Variants in COL26A1 observed in about 807,000 individuals in gnomAD.
COL26A1 encodes collagen type XXVI alpha 1 chain.
Under a neutral mutation model 59.3 loss-of-function variants are expected in COL26A1, and 41 were observed. That is an observed-to-expected ratio of 0.69 (90% CI 0.54 to 0.90). The LOEUF (loss-of-function observed/expected upper bound fraction) is 0.90. COL26A1 is among the 40% of genes least tolerant of loss of function. The pLI, the probability that COL26A1 is intolerant of heterozygous loss-of-function variation, is 0.00. For synonymous variants in COL26A1, 266 were observed against 256.0 expected (o/e 1.04, Z -0.37); for missense variants, 612 against 602.3 (o/e 1.02, Z -0.17).
chr7:101,362,899 A>C lies in COL26A1; in HGVS notation c.-134A>C. 1.1e-6 allele frequency: 1 copy of C among 881,382 alleles called. No homozygotes were observed. Among genetic ancestry groups the C allele is most frequent in the Non-Finnish European group, 1.6e-6 (1 of 616,046 alleles). 54.6% of individuals were successfully genotyped at this position (881,382 alleles called of 1,614,324 possible). On this transcript the variant is annotated 5_prime_UTR_variant, in exon 1 of 13. Coordinates refer to ENST00000313669, the MANE Select transcript of COL26A1 (RefSeq NM_001278563.3). ...CGCCCCCCACACATTTCCAGCTCGC[A>C]CCCGGGCTCCGACCGCTCGCCCCGC...
intron 1 of COL26A1, among the ~76,000 whole-genome samples, chr7:101,405,356 G>A (rs1402534922): frequency 1.3e-5 from 2 of 149,744 alleles, no homozygotes; most frequent in Admixed American, 6.7e-5. Flanking sequence ...TTTTTTTAGA[G>A]ACAAAGTCAC....
chr7:101,399,755 C>T (rs773193388), intron 1 of COL26A1, among the ~76,000 whole-genome samples: 4 of 152,314 alleles, frequency 2.6e-5, no homozygotes, highest in Non-Finnish European at 2.9e-5. Flanking sequence ...CATTGTGCCC[C>T]GCCTTCATTC....
intron 1 of COL26A1, among the ~76,000 whole-genome samples, chr7:101,417,027 C>T (rs961059223): frequency 6.6e-6 from 1 of 152,126 alleles, no homozygotes. Context: ...CGGGTGTGAG[C>T]CACCATGCCT....
At chr7:101,462,441 T>C (rs571365716) in intron 3 of COL26A1, among the ~76,000 whole-genome samples, 30 of 152,060 alleles carry the variant, frequency 2.0e-4, no homozygotes, top group African/African-American at 7.0e-4. Context: ...CTCAGCCTCC[T>C]GAGTAGCTGG....
intron 2 of COL26A1, among the ~76,000 whole-genome samples, chr7:101,445,407 T>G (rs1465758563): frequency 2.0e-5 from 3 of 151,896 alleles, no homozygotes; most frequent in African/African-American, 7.3e-5. Context: ...TCTGGAAACT[T>G]TCATTCACGG....
chr7:101,383,956 C>T (rs10251541), intron 1 of COL26A1, among the ~76,000 whole-genome samples: 9,332 of 151,946 alleles, frequency 0.061, 654 homozygotes, highest in African/African-American at 0.16. Flanking sequence ...TGGCATGAGC[C>T]GCTGTGCCCA....
At chr7:101,406,609 C>T (rs894315371) in intron 1 of COL26A1, among the ~76,000 whole-genome samples, 3 of 152,186 alleles carry the variant, frequency 2.0e-5, no homozygotes, top group African/African-American at 7.2e-5. Flanking sequence ...CCATCCTGCC[C>T]CAGCAGGTAC....
intron 3 of COL26A1, among the ~76,000 whole-genome samples, chr7:101,501,790 A>T (rs1226809229): frequency 6.6e-6 from 1 of 152,182 alleles, no homozygotes; most frequent in Non-Finnish European, 1.5e-5. Context: ...CTGTGTGTGT[A>T]CATGAGCTGT....
intron 3 of COL26A1, among the ~76,000 whole-genome samples, chr7:101,526,132 T>C (rs980915105): frequency 6.6e-6 from 1 of 151,816 alleles, no homozygotes; most frequent in African/African-American, 2.4e-5. Flanking sequence ...CACTGCAACC[T>C]CCGCCTCCTG....
chr7:101,381,663 C>T (rs114159115), intron 1 of COL26A1, among the ~76,000 whole-genome samples: 372 of 152,282 alleles, frequency 2.4e-3, no homozygotes, highest in African/African-American at 7.8e-3. Context: ...ATAATCTATT[C>T]GTGAGGGTGG....
intron 2 of COL26A1, 96 bp from the exon 3 acceptor site, chr7:101,447,588 T>C: frequency 2.4e-6 from 2 of 840,258 alleles, no homozygotes; most frequent in Non-Finnish European, 3.9e-6. Flanking sequence ...CCCGGAGCCC[T>C]GGCTGGGCAA....
At position 101,420,023 on chromosome 7, in the gene COL26A1, C is replaced by G. The variant is rs1792473722; in HGVS notation, c.205C>G (p.Gln69Glu). The G allele has an allele frequency of 6.2e-7, 1 of 1,613,602 alleles. No homozygotes were observed. The highest frequency in any genetic ancestry group is 8.5e-7 in the Non-Finnish European group (1 of 1,179,858). Residue 69 changes from glutamine (Q) to glutamate (E), a missense_variant, in exon 2 of 13, where the codon CAG becomes GAG. Physicochemically the swap from Gln to Glu is conservative, Grantham distance 29. Transcript: ENST00000313669. ...GACACGGACGGTGTCCTGCCAGGTG[C>G]AGAATGGCTCGGAGACGGTGGTCCA... is the stretch of plus-strand genomic sequence containing the variant. ...TVTRTVSCQV[Q>E]NGSETVVQRV...
chr7:101,549,506 G>T (rs1311293557), intron 9 of COL26A1, among the ~76,000 whole-genome samples: 1 of 152,120 alleles, frequency 6.6e-6, no homozygotes, highest in Non-Finnish European at 1.5e-5. Flanking sequence ...TCAGCCTCCG[G>T]ATTAGCCGGG....
intron 2 of COL26A1, among the ~76,000 whole-genome samples, chr7:101,429,059 G>A (rs1792714609): frequency 6.6e-6 from 1 of 151,782 alleles, no homozygotes; most frequent in Non-Finnish European, 1.5e-5. Flanking sequence ...GAGTAGCTGG[G>A]ATTACAGGCA....
At chr7:101,395,953 G>A (rs934180136) in intron 1 of COL26A1, among the ~76,000 whole-genome samples, 2 of 152,062 alleles carry the variant, frequency 1.3e-5, no homozygotes, top group African/African-American at 4.8e-5. Context: ...TTCACATCCG[G>A]CCCTTGCTTG....
chr7:101,540,701 A>G (rs1795596997), intron 5 of COL26A1, among the ~76,000 whole-genome samples: 1 of 152,026 alleles, frequency 6.6e-6, no homozygotes, highest in Non-Finnish European at 1.5e-5. Flanking sequence ...TGAAAATACA[A>G]AAATTAGCCC....
At chr7:101,367,156 C>T (rs980293793) in intron 1 of COL26A1, among the ~76,000 whole-genome samples, 11 of 152,164 alleles carry the variant, frequency 7.2e-5, no homozygotes, top group African/African-American at 2.7e-4. Flanking sequence ...TCTATTTGGG[C>T]TTGCTGGGAG....
chr7:101,502,888 C>T (rs530084624), intron 3 of COL26A1, among the ~76,000 whole-genome samples: 1 of 152,320 alleles, frequency 6.6e-6, no homozygotes, highest in East Asian at 1.9e-4. Context: ...AGCTCATTCT[C>T]TAAGGGGCGG....
intron 1 of COL26A1, among the ~76,000 whole-genome samples, chr7:101,391,319 T>C (rs1223409637): frequency 6.6e-6 from 1 of 152,092 alleles, no homozygotes; most frequent in Non-Finnish European, 1.5e-5. Flanking sequence ...TTTTTTTTAT[T>C]TTTTTTAAAA....
Sources: gnomAD v4.1 joint callset for allele counts (sites outside exome capture counted in the v4.1 genomes callset) on GRCh38, gnomAD v4.1.1 for gene constraint, MANE v1.5 for transcripts, NCBI Gene and HGNC (gene_info 2026-07-23, HGNC 2026-07-21) for gene names.